TAFA2: variants seen among roughly 807,000 people sequenced by gnomAD.
TAFA2 encodes TAFA chemokine like family member 2.
TAFA2 carries 7 observed loss-of-function variants against 18.8 expected under a neutral mutation model. That is an observed-to-expected ratio of 0.37 (90% CI 0.21 to 0.70). TAFA2 has a LOEUF of 0.70. Among genes scored for constraint, TAFA2 ranks in the 30% least tolerant of loss-of-function variants. The pLI is 0.53. For synonymous variants in TAFA2, 60 were observed against 54.2 expected (o/e 1.11, Z -0.47); for missense variants, 122 against 158.1 (o/e 0.77, Z 1.23).
At chr12:62,015,198 A>G (rs796569624) in intron 1 of TAFA2, among the ~76,000 whole-genome samples, 5 of 152,298 alleles carry the variant, frequency 3.3e-5, no homozygotes, top group African/African-American at 1.2e-4. Context: ...CAACTAATAT[A>G]TCATTTGTTT....
chr12:61,794,702 A>G (rs956997320), intron 2 of TAFA2, among the ~76,000 whole-genome samples: 12 of 152,082 alleles, frequency 7.9e-5, no homozygotes, highest in Non-Finnish European at 1.3e-4. Flanking sequence ...TGCAAAGGAC[A>G]TAAAATGCCC....
chr12:61,879,847 C>A, intron 1 of TAFA2: 1 of 1,125,452 alleles, frequency 8.9e-7, no homozygotes, highest in Non-Finnish European at 1.3e-6. Context: ...TGGAGGACTT[C>A]AAGAAGAAGT....
intron 2 of TAFA2, among the ~76,000 whole-genome samples, chr12:61,757,615 A>G (rs1346997347): frequency 1.3e-5 from 2 of 152,076 alleles, no homozygotes; most frequent in Non-Finnish European, 2.9e-5. Flanking sequence ...GGTTTCACCA[A>G]TAGAAAAAGA....
chr12:62,226,751 T>C (rs937542206), intron 1 of TAFA2, among the ~76,000 whole-genome samples: 1 of 152,246 alleles, frequency 6.6e-6, no homozygotes, highest in African/African-American at 2.4e-5. Context: ...GGCAAAAATA[T>C]GGAAGTCATC....
chr12:61,803,854 GT>G (rs1404322136), intron 2 of TAFA2, among the ~76,000 whole-genome samples: 1 of 151,726 alleles, frequency 6.6e-6, no homozygotes, highest in Non-Finnish European at 1.5e-5. Context: ...TAACCTGCAC[GT>G]TGTGCACATG....
At chr12:61,721,169 T>C (rs2120595279) in intron 4 of TAFA2, among the ~76,000 whole-genome samples, 1 of 152,228 alleles carries the variant, frequency 6.6e-6, no homozygotes, top group South Asian at 2.1e-4. Flanking sequence ...TAAACAGTTT[T>C]TACAAGAAAT....
intron 1 of TAFA2, among the ~76,000 whole-genome samples, chr12:62,100,910 A>G (rs1869170301): frequency 6.6e-6 from 1 of 152,194 alleles, no homozygotes; most frequent in Admixed American, 6.5e-5. Flanking sequence ...CTGAAGCGTA[A>G]AAGTTTAAGT....
chr12:62,056,178 C>T (rs1445348173), intron 1 of TAFA2, among the ~76,000 whole-genome samples: 1 of 151,998 alleles, frequency 6.6e-6, no homozygotes, highest in East Asian at 1.9e-4. Context: ...TCCTATAATG[C>T]TTTTATTATG....
At chr12:62,218,436 C>T (rs1390425084) in intron 1 of TAFA2, among the ~76,000 whole-genome samples, 1 of 152,220 alleles carries the variant, frequency 6.6e-6, no homozygotes, top group Non-Finnish European at 1.5e-5. Context: ...GGTAGGCTCA[C>T]ATCCCTAGTT....
chr12:61,848,070 G>A (rs1432935466), intron 2 of TAFA2, among the ~76,000 whole-genome samples: 1 of 152,120 alleles, frequency 6.6e-6, no homozygotes, highest in Non-Finnish European at 1.5e-5. Flanking sequence ...CAGTGAGTTA[G>A]CTATAACTTC....
intron 2 of TAFA2, among the ~76,000 whole-genome samples, chr12:61,861,755 C>T (rs564836169): frequency 3.2e-4 from 48 of 152,124 alleles, no homozygotes; most frequent in South Asian, 1.9e-3. Flanking sequence ...TGGTTATTAC[C>T]GTACTGTATA....
chr12:62,081,983 C>T (rs369523025), intron 1 of TAFA2, among the ~76,000 whole-genome samples: 1 of 147,636 alleles, frequency 6.8e-6, no homozygotes, highest in Non-Finnish European at 1.5e-5. Flanking sequence ...TATGTTGTTA[C>T]CCCCATGTGT....
intron 1 of TAFA2, among the ~76,000 whole-genome samples, chr12:61,918,388 A>C (rs1251180698): frequency 6.6e-6 from 1 of 152,128 alleles, no homozygotes; most frequent in Middle Eastern, 3.2e-3. Flanking sequence ...TAGATACCAC[A>C]AATAAGTGAG....
chr12:61,771,347 A>C (rs1870015078), intron 2 of TAFA2, among the ~76,000 whole-genome samples: 1 of 152,020 alleles, frequency 6.6e-6, no homozygotes, highest in South Asian at 2.1e-4. Context: ...AGAAAGAAAC[A>C]ATGGACTTAA....
intron 1 of TAFA2, among the ~76,000 whole-genome samples, chr12:61,940,970 T>C (rs2121420346): frequency 6.6e-6 from 1 of 152,330 alleles, no homozygotes; most frequent in South Asian, 2.1e-4. Context: ...ACTTGAAATA[T>C]AGCATGTGTG....
At chr12:61,849,624 A>G (rs1210145926) in intron 2 of TAFA2, among the ~76,000 whole-genome samples, 11 of 152,192 alleles carry the variant, frequency 7.2e-5, no homozygotes, top group Non-Finnish European at 1.5e-5. Flanking sequence ...GGAGACACTT[A>G]AATTATTTTC....
chr12:61,982,769 T>C (rs745788845), intron 1 of TAFA2, among the ~76,000 whole-genome samples: 1 of 149,832 alleles, frequency 6.7e-6, no homozygotes, highest in Non-Finnish European at 1.5e-5. Flanking sequence ...CTGTAGGGTA[T>C]ACCTAGGCCT....
rs1004523301 is a variant in TAFA2 at position 61,948,856 on chromosome 12, A to C, written c.-1-81430T>G. Among the ~76,000 whole-genome samples the C allele has an allele frequency of 2.0e-5, 3 of 152,196 alleles. No homozygotes were observed. In the East Asian group the frequency reaches 5.8e-4, roughly 29 times the overall value. Reference sequence around the variant, plus strand: ...CTCCATTACACCCATAGTGTGAGCTAAGCAGAAGTCAGGTGATTGCCTGTC... The same window carrying C: ...CTCCATTACACCCATAGTGTGAGCTCAGCAGAAGTCAGGTGATTGCCTGTC... On this transcript the variant is annotated intron_variant, in intron 1 of 4. Coordinates refer to ENST00000416284, the MANE Select transcript of TAFA2 (RefSeq NM_178539.5).
chr12:62,021,782 C>A lies in TAFA2; in HGVS notation c.-1-154356G>T, dbSNP rs189743408. On this transcript the variant is annotated intron_variant, in intron 1 of 4. Coordinates refer to ENST00000416284, the MANE Select transcript of TAFA2 (RefSeq NM_178539.5). ...CACCCTGTCTGAGCAACACATGGCA[C>A]ATGGCAGTGACAATGTAATAGTTAA... 668 of 1,033,574 alleles carry A rather than the reference C, an allele frequency of 6.5e-4. 1 individual carries two copies. The African/African-American group carries it at 8.8e-3, about 14-fold the overall frequency. The allele number at this position is 1,033,574 out of a possible 1,614,324, so 64.0% of individuals were successfully genotyped here. A position where few individuals can be genotyped will look rare whatever the true frequency, so the allele number is the denominator to read the frequency against.
Sources: gnomAD v4.1 joint callset for allele counts (sites outside exome capture counted in the v4.1 genomes callset) on GRCh38, gnomAD v4.1.1 for gene constraint, MANE v1.5 for transcripts, NCBI Gene and HGNC (gene_info 2026-07-23, HGNC 2026-07-21) for gene names.